The following ANKS1B variants were observed in gnomAD, a reference collection of about 807,000 sequenced individuals.
The protein encoded by ANKS1B is ankyrin repeat and sterile alpha motif domain containing 1B.
In ANKS1B, 36 loss-of-function variants were observed where a neutral mutation model predicts 148.3. The observed-to-expected ratio is 0.24, with a 90% CI of 0.19 to 0.32. ANKS1B has a LOEUF of 0.32. ANKS1B is among the 10% of genes least tolerant of loss of function. The pLI, the probability that ANKS1B is intolerant of heterozygous loss-of-function variation, is 1.00. For synonymous variants in ANKS1B, 542 were observed against 560.8 expected, an observed-to-expected ratio of 0.97 and a Z score of 0.47; for missense variants, 1,157 against 1,542.6, an observed-to-expected ratio of 0.75 and a Z score of 4.19.
At chr12:99,164,797 T>C (rs1256301000) in intron 14 of ANKS1B, among the ~76,000 whole-genome samples, 1 of 152,082 alleles carries the variant, frequency 6.6e-6, no homozygotes, top group Non-Finnish European at 1.5e-5. Context: ...TCCTAGTCAA[T>C]TACTAGAATT....
chr12:99,720,974 C>G (rs923596405), intron 8 of ANKS1B, among the ~76,000 whole-genome samples: 11 of 152,318 alleles, frequency 7.2e-5, no homozygotes, highest in African/African-American at 9.6e-5. Flanking sequence ...TCCTTAGGCA[C>G]TCTCTAATTA....
At position 99,209,848 on chromosome 12, in the gene ANKS1B, C is replaced by T. The variant is rs150455931; in HGVS notation, c.2419+34494G>A. ...ACCAAAAACATTCCAAACCCCTTCC[C>T]GGCAAGAGACATGCCAGCCCTCATA... On this transcript the variant is annotated intron_variant, in intron 14 of 26. Transcript: ENST00000683438. 2.0e-3 allele frequency among the ~76,000 whole-genome samples: 311 copies of T among 152,204 alleles called. 2 individuals carry two copies. Among genetic ancestry groups the T allele is most frequent in the African/African-American group, 6.9e-3 (288 of 41,534 alleles).
intron 8 of ANKS1B, among the ~76,000 whole-genome samples, chr12:99,671,125 T>C (rs1179374501): frequency 6.6e-6 from 1 of 152,172 alleles, no homozygotes; most frequent in East Asian, 1.9e-4. Flanking sequence ...TTTCTGGAGA[T>C]TGCATGAAGT....
At chr12:99,395,185 T>C (rs2094204367) in intron 12 of ANKS1B, among the ~76,000 whole-genome samples, 1 of 152,160 alleles carries the variant, frequency 6.6e-6, no homozygotes, top group African/African-American at 2.4e-5. Flanking sequence ...CTGGCTTTCC[T>C]GCATCCACCC....
At chr12:99,307,613 G>A (rs1448249146) in intron 12 of ANKS1B, among the ~76,000 whole-genome samples, 1 of 152,062 alleles carries the variant, frequency 6.6e-6, no homozygotes, top group Non-Finnish European at 1.5e-5. Context: ...TTGTGTGTGT[G>A]CATGAGAGAT....
At chr12:99,311,906 G>A (rs1320020711) in intron 12 of ANKS1B, among the ~76,000 whole-genome samples, 6 of 152,010 alleles carry the variant, frequency 3.9e-5, no homozygotes, top group Non-Finnish European at 8.8e-5. Flanking sequence ...CTCTTGACGG[G>A]TGCAAAATCT....
intron 12 of ANKS1B, among the ~76,000 whole-genome samples, chr12:99,311,359 G>A (rs985370703): frequency 3.3e-5 from 5 of 152,114 alleles, no homozygotes; most frequent in Non-Finnish European, 7.4e-5. Context: ...TGGAATTAAA[G>A]AGAAAGGGGG....
chr12:99,965,152 T>C (rs2095469693), intron 1 of ANKS1B, among the ~76,000 whole-genome samples: 1 of 151,884 alleles, frequency 6.6e-6, no homozygotes, highest in Admixed American at 6.6e-5. Context: ...CACTTTCCAA[T>C]AAAAGGAACC....
chr12:99,873,320 A>G (rs1051555931), intron 1 of ANKS1B, among the ~76,000 whole-genome samples: 2 of 152,186 alleles, frequency 1.3e-5, no homozygotes, highest in African/African-American at 4.8e-5. Flanking sequence ...ATTTCTAGAT[A>G]TCAGTATATG....
chr12:98,979,276 A>AT lies in ANKS1B; in HGVS notation c.2778+73880dup, dbSNP rs917463968. Among the ~76,000 whole-genome samples, 6 of 148,870 alleles carry AT rather than the reference A, an allele frequency of 4.0e-5. No homozygotes were observed. The East Asian group carries it at 5.9e-4, about 15-fold the overall frequency. ...TCATTTTCTATTTTTTAATTAATTAATTTTTTTTTGAGATGGAGTCTCGCT... is the reference window on the plus strand; with the variant it reads ...TCATTTTCTATTTTTTAATTAATTAATTTTTTTTTTGAGATGGAGTCTCGCT... On this transcript the variant is annotated intron_variant, in intron 17 of 26. Transcript: ENST00000683438.
chr12:99,348,346 C>G (rs1378601890), intron 12 of ANKS1B, among the ~76,000 whole-genome samples: 2 of 151,624 alleles, frequency 1.3e-5, no homozygotes, highest in African/African-American at 4.8e-5. Context: ...ATAGTTACCC[C>G]CTACCTGAAC....
intron 19 of ANKS1B, among the ~76,000 whole-genome samples, chr12:98,814,491 C>G (rs1288661499): frequency 1.3e-5 from 2 of 152,188 alleles, no homozygotes; most frequent in Non-Finnish European, 2.9e-5. Flanking sequence ...CAACACACTT[C>G]CGGTTAATTG....
intron 9 of ANKS1B, among the ~76,000 whole-genome samples, chr12:99,633,759 G>C (rs1023214200): frequency 6.6e-6 from 1 of 152,108 alleles, no homozygotes; most frequent in Admixed American, 6.6e-5. Context: ...CTAATATCTA[G>C]AATCTACAAA....
chr12:99,904,303 T>C (rs1249866022), intron 1 of ANKS1B, among the ~76,000 whole-genome samples: 2 of 149,496 alleles, frequency 1.3e-5, no homozygotes, highest in East Asian at 1.9e-4. Context: ...GATAATCTCC[T>C]GCCTCAGCCT....
intron 11 of ANKS1B, among the ~76,000 whole-genome samples, chr12:99,413,024 G>A (rs2094769218): frequency 6.6e-6 from 1 of 152,154 alleles, no homozygotes; most frequent in African/African-American, 2.4e-5. Context: ...GTAGGCAAAT[G>A]CAATTCTTCT....
intron 11 of ANKS1B, among the ~76,000 whole-genome samples, chr12:99,411,740 C>A (rs1247905396): frequency 6.6e-6 from 1 of 152,150 alleles, no homozygotes; most frequent in African/African-American, 2.4e-5. Context: ...TTGGACTCGA[C>A]TATATTCCCA....
chr12:99,042,877 G>A (rs935143), intron 17 of ANKS1B, among the ~76,000 whole-genome samples: 95,874 of 152,068 alleles, frequency 0.63, 30,508 homozygotes, highest in East Asian at 0.8. Context: ...TTGGAAGACT[G>A]CTTTTAGCCA....
chr12:98,970,645 C>A (rs772965903), intron 17 of ANKS1B, among the ~76,000 whole-genome samples: 1 of 152,152 alleles, frequency 6.6e-6, no homozygotes, highest in Non-Finnish European at 1.5e-5. Context: ...CAAAGGCATG[C>A]CTGGATTTTA....
chr12:99,561,470 T>C lies in ANKS1B; in HGVS notation c.1273-56829A>G, dbSNP rs540518558. On this transcript the variant is annotated intron_variant, in intron 9 of 26. Transcript: ENST00000683438. ...TTACTTTTAATTCAAAGATTAGATT[T>C]AAATCCTCTCGGGAGGAAATTTTTT... Among the ~76,000 whole-genome samples, 3 of 152,334 alleles carry C rather than the reference T, an allele frequency of 2.0e-5. No homozygotes were observed. The East Asian group carries it at 5.8e-4, about 29-fold the overall frequency.
Sources: gnomAD v4.1 joint callset for allele counts (sites outside exome capture counted in the v4.1 genomes callset) on GRCh38, gnomAD v4.1.1 for gene constraint, MANE v1.5 for transcripts, NCBI Gene and HGNC (gene_info 2026-07-23, HGNC 2026-07-21) for gene names.